Variants in SEC24B observed in about 807,000 individuals in gnomAD.
SEC24B encodes the protein SEC24 homolog B, COPII component.
A neutral mutation model predicts 142.8 loss-of-function variants in SEC24B; 45 were observed. That is an observed-to-expected ratio of 0.32 (90% confidence interval 0.25 to 0.40). SEC24B has a LOEUF of 0.40. SEC24B is among the 10% of genes least tolerant of loss of function. The pLI is 1.00. For synonymous variants in SEC24B, 574 were observed against 568.2 expected (o/e 1.01, Z -0.15); for missense variants, 1,409 against 1,526.8 (o/e 0.92, Z 1.29).
At chr4:109,506,592 T>A in intron 7 of SEC24B, 80 bp downstream of exon 7, 1 of 1,029,752 alleles carries the variant, frequency 9.7e-7, no homozygotes, top group Non-Finnish European at 1.3e-6. Context: ...AAGTAGTATG[T>A]TATTTCTTCG....
intron 10 of SEC24B, 90 bp from the exon 11 acceptor site, chr4:109,516,438 A>T: frequency 2.9e-6 from 2 of 692,532 alleles, no homozygotes; most frequent in African/African-American, 1.8e-5. Context: ...TTGTGTTAAT[A>T]TATTCAGTAA....
rs927722012 is a variant in SEC24B, at chr4:109,456,340, T to G, written c.134-6561T>G. The stretch of plus-strand genomic sequence containing the variant: ...ATAAAGACAGGTTTTTTTTGTTTTT[T>G]TTTTTTTTTTTTTACTCCTTTCCAG... On this transcript the variant is annotated intron_variant, in intron 1 of 23. Coordinates refer to ENST00000265175, the MANE Select transcript of SEC24B (RefSeq NM_006323.5). Among the ~76,000 whole-genome samples the G allele has an allele frequency of 1.1e-4, 16 of 149,656 alleles. 1 individual carries two copies. The highest frequency in any genetic ancestry group is 4.2e-4 in the South Asian group (2 of 4,770).
At chr4:109,522,163 G>A (rs1723702190) in intron 14 of SEC24B, among the ~76,000 whole-genome samples, 1 of 151,444 alleles carries the variant, frequency 6.6e-6, no homozygotes, top group South Asian at 2.1e-4. Flanking sequence ...CCATTCTCCT[G>A]CCTCAGCCTC....
At chr4:109,529,997 G>T (rs1006282119) in intron 18 of SEC24B, among the ~76,000 whole-genome samples, 2 of 152,144 alleles carry the variant, frequency 1.3e-5, no homozygotes, top group Non-Finnish European at 2.9e-5. Context: ...GCCTCCCAAA[G>T]TGCTGGGATT....
chr4:109,453,582 A>G (rs1386129860), intron 1 of SEC24B, among the ~76,000 whole-genome samples: 1 of 151,794 alleles, frequency 6.6e-6, no homozygotes, highest in South Asian at 2.1e-4. Flanking sequence ...GCCAGACTTT[A>G]AGGTTATCTC....
chr4:109,438,766 G>T (rs1034109488), intron 1 of SEC24B, among the ~76,000 whole-genome samples: 2 of 152,200 alleles, frequency 1.3e-5, no homozygotes, highest in African/African-American at 4.8e-5. Flanking sequence ...AGCTTGACTT[G>T]ATTTCAAGTC....
chr4:109,509,440 G>A lies in SEC24B; in HGVS notation c.1674-569G>A, dbSNP rs147193956. On this transcript the variant is annotated intron_variant, in intron 7 of 23. Transcript: ENST00000265175. ...TGTAATCCTAGCACTTTGGAAGGCC[G>A]AGGCAGGCGGATGGATCACAAGGTC... Among the ~76,000 whole-genome samples, 643 of 152,222 alleles carry A rather than the reference G, an allele frequency of 4.2e-3. 3 individuals carry two copies. The highest frequency in any genetic ancestry group is 0.014 in the African/African-American group (598 of 41,542).
intron 6 of SEC24B, among the ~76,000 whole-genome samples, chr4:109,502,944 G>A (rs1736302221): frequency 6.6e-6 from 1 of 151,564 alleles, no homozygotes; most frequent in South Asian, 2.1e-4. Flanking sequence ...AACCTTTTGT[G>A]TTTGTGTATT....
intron 5 of SEC24B, among the ~76,000 whole-genome samples, chr4:109,493,524 T>A (rs1735221282): frequency 6.6e-6 from 1 of 152,228 alleles, no homozygotes; most frequent in Non-Finnish European, 1.5e-5. Context: ...TTTTCCACTT[T>A]CTGTTTTAAA....
intron 6 of SEC24B, among the ~76,000 whole-genome samples, chr4:109,495,184 TAA>T (rs1735411870): frequency 6.6e-6 from 1 of 152,214 alleles, no homozygotes; most frequent in Non-Finnish European, 1.5e-5. Flanking sequence ...AAGTAAATGT[TAA>T]GTTTTTAAAA....
intron 1 of SEC24B, among the ~76,000 whole-genome samples, chr4:109,447,209 GA>G (rs909422778): frequency 6.6e-6 from 1 of 152,064 alleles, no homozygotes; most frequent in Non-Finnish European, 1.5e-5. Context: ...AGCATGGCTT[GA>G]AAAAAATTTA....
intron 1 of SEC24B, among the ~76,000 whole-genome samples, chr4:109,455,483 C>T (rs946587525): frequency 1.3e-5 from 2 of 152,118 alleles, no homozygotes; most frequent in East Asian, 1.9e-4. Flanking sequence ...TCAGGTAATC[C>T]GCCCACCTAG....
intron 14 of SEC24B, 58 bp downstream of exon 14, chr4:109,521,684 A>G (rs1561172561): frequency 1.2e-5 from 15 of 1,238,850 alleles, no homozygotes; most frequent in African/African-American, 1.5e-5. Context: ...TGTTTATTCT[A>G]TTTCATTAAT....
At position 109,540,114 on chromosome 4, in the gene SEC24B, T is replaced by G. The variant is rs999999962; in HGVS notation, c.*439T>G. ...GTGTTATTTGTTTATATGAATTACT[T>G]TTTAACAAGGAATGTTTCTTATTCA... On this transcript the variant is annotated 3_prime_UTR_variant, in exon 24 of 24. Coordinates refer to ENST00000265175, the MANE Select transcript of SEC24B (RefSeq NM_006323.5). 2 of 152,756 alleles carry G rather than the reference T, an allele frequency of 1.3e-5. No homozygotes were observed. Among genetic ancestry groups the G allele is most frequent in the Non-Finnish European group, 2.9e-5 (2 of 68,406 alleles). 9.5% of individuals were successfully genotyped at this position (152,756 alleles called of 1,614,324 possible).
In SEC24B at chr4:109,531,628, CTT is replaced by C. The variant is rs1405449556; in HGVS notation, c.3390+110_3390+111del. 9.1e-6 allele frequency: 7 copies of C among 771,926 alleles called. 1 individual carries two copies. In the Admixed American group the frequency reaches 1.0e-4, roughly 11 times the overall value. 47.8% of individuals were successfully genotyped at this position (771,926 alleles called of 1,614,324 possible). On this transcript the variant is annotated intron_variant, in intron 20 of 23. Coordinates refer to ENST00000265175, the MANE Select transcript of SEC24B (RefSeq NM_006323.5). ...TATCAACTGGTTTTTCTTTTTAACTCTTTTTCCCCCTTGTGGTAGTAATACAT... is the reference window on the plus strand; with the variant it reads ...TATCAACTGGTTTTTCTTTTTAACTCTTTCCCCCTTGTGGTAGTAATACAT...
intron 1 of SEC24B, among the ~76,000 whole-genome samples, chr4:109,440,538 G>T (rs1212024083): frequency 6.6e-6 from 1 of 152,204 alleles, no homozygotes; most frequent in African/African-American, 2.4e-5. Flanking sequence ...TGAAAAGGTT[G>T]TAGGCTTTGA....
At chr4:109,527,245 GA>G (rs771923880) in intron 17 of SEC24B, 76 bp from the exon 18 acceptor site, 167 of 970,812 alleles carry the variant, frequency 1.7e-4, no homozygotes, top group East Asian at 5.1e-4. Context: ...AAGAAAGAAA[GA>G]AAAAAAGTAT....
chr4:109,471,666 G>A (rs1303867938), intron 2 of SEC24B, among the ~76,000 whole-genome samples: 4 of 151,982 alleles, frequency 2.6e-5, no homozygotes, highest in South Asian at 2.1e-4. Flanking sequence ...GGAGGTTTGC[G>A]GGACTAGAAG....
At chr4:109,477,140 T>TAAAAAAAA (rs759331468) in intron 3 of SEC24B, among the ~76,000 whole-genome samples, 1 of 55,882 alleles carries the variant, frequency 1.8e-5, no homozygotes, top group Non-Finnish European at 4.5e-5. Flanking sequence ...CCGTCTCAAA[T>TAAAAAAAA]AAAAAAAAAA....
Sources: allele counts gnomAD v4.1 joint callset (sites outside exome capture counted in the v4.1 genomes callset), GRCh38; gene constraint gnomAD v4.1.1; transcripts MANE v1.5; gene names NCBI Gene and HGNC (gene_info 2026-07-23, HGNC 2026-07-21).